DSCAM: variants seen among roughly 807,000 people sequenced by gnomAD.
DSCAM encodes the protein cell adhesion molecule DSCAM.
A neutral mutation model predicts 217.7 loss-of-function variants in DSCAM; 47 were observed. The ratio of observed to expected loss-of-function variants is 0.22; its 90% CI spans 0.17 to 0.28. DSCAM has a LOEUF of 0.28. Among genes scored for constraint, DSCAM ranks in the 10% least tolerant of loss-of-function variants. The pLI, the probability that DSCAM is intolerant of heterozygous loss-of-function variation, is 1.00. For synonymous variants in DSCAM, 1,056 were observed against 1,015.3 expected (o/e 1.04, Z -0.76); for missense variants, 2,080 against 2,618.3 (o/e 0.79, Z 4.49).
intron 15 of DSCAM, among the ~76,000 whole-genome samples, chr21:40,172,697 C>T (rs2090672433): frequency 6.6e-6 from 1 of 152,232 alleles, no homozygotes; most frequent in East Asian, 1.9e-4. Context: ...TCAATCACCC[C>T]AGTGAGAACC....
intron 21 of DSCAM, among the ~76,000 whole-genome samples, chr21:40,090,153 C>T (rs2089588112): frequency 6.6e-6 from 1 of 152,306 alleles, no homozygotes; most frequent in South Asian, 2.1e-4. Flanking sequence ...TCCTCTAAAC[C>T]TCAGTGCTGT....
At chr21:40,338,525 T>G in intron 7 of DSCAM, 149 bp from the exon 8 acceptor site, 2 of 856,526 alleles carry the variant, frequency 2.3e-6, no homozygotes, top group Non-Finnish European at 3.5e-6. Flanking sequence ...CATGTGGCAT[T>G]TTCTACAACA....
intron 11 of DSCAM, among the ~76,000 whole-genome samples, chr21:40,227,934 A>G (rs2146917105): frequency 6.6e-6 from 1 of 152,256 alleles, no homozygotes; most frequent in South Asian, 2.1e-4. Flanking sequence ...ATCCCATTCT[A>G]CATTCTGCCA....
chr21:40,035,848 A>C (rs1324275499), intron 32 of DSCAM, among the ~76,000 whole-genome samples: 1 of 145,952 alleles, frequency 6.9e-6, no homozygotes, highest in African/African-American at 2.7e-5. Flanking sequence ...ACTAGAACTC[A>C]GGATTAAGAA....
At chr21:40,469,961 T>A (rs2075874931) in intron 3 of DSCAM, among the ~76,000 whole-genome samples, 2 of 152,220 alleles carry the variant, frequency 1.3e-5, no homozygotes, top group South Asian at 4.1e-4. Context: ...TAATCCCATA[T>A]ATTTTCACTG....
At chr21:40,567,624 C>G (rs189564009) in intron 3 of DSCAM, among the ~76,000 whole-genome samples, 1 of 152,350 alleles carries the variant, frequency 6.6e-6, no homozygotes, top group Admixed American at 6.5e-5. Flanking sequence ...CTCATTCCCC[C>G]TACTTATCAC....
chr21:40,242,806 T>G (rs2073171179), intron 11 of DSCAM, among the ~76,000 whole-genome samples: 1 of 152,232 alleles, frequency 6.6e-6, no homozygotes, highest in Admixed American at 6.5e-5. Context: ...AACAACTCTT[T>G]GTTTAAGCAG....
At chr21:40,179,158 A>G in intron 14 of DSCAM, 64 bp from the exon 15 acceptor site, 1 of 1,147,094 alleles carries the variant, frequency 8.7e-7, no homozygotes, top group South Asian at 1.7e-5. Context: ...TCTGCCTTTG[A>G]AAGTTCACAA....
At chr21:40,561,269 GC>G (rs2076718495) in intron 3 of DSCAM, among the ~76,000 whole-genome samples, 1 of 152,146 alleles carries the variant, frequency 6.6e-6, no homozygotes, top group African/African-American at 2.4e-5. Flanking sequence ...GATTCAATGT[GC>G]CTGCACCCAG....
At chr21:40,525,009 C>CA (rs58427418) in intron 3 of DSCAM, among the ~76,000 whole-genome samples, 1,997 of 55,520 alleles carry the variant, frequency 0.036, 89 homozygotes, top group South Asian at 0.11. Flanking sequence ...GACTCAGTCT[C>CA]AAAAAAAAAA....
chr21:40,622,313 C>T (rs185897421), intron 3 of DSCAM, among the ~76,000 whole-genome samples: 20 of 152,172 alleles, frequency 1.3e-4, no homozygotes, highest in South Asian at 4.2e-4. Flanking sequence ...CAATGGGAAG[C>T]GCCACAATTT....
At chr21:40,142,495 G>A (rs900273419) in intron 18 of DSCAM, 63 bp downstream of exon 18, 24 of 1,592,118 alleles carry the variant, frequency 1.5e-5, no homozygotes, top group South Asian at 1.0e-4. Context: ...ACTAGGAGGG[G>A]TCTGCAAATT....
chr21:40,728,238 T>C (rs1202782910), intron 1 of DSCAM, among the ~76,000 whole-genome samples: 2 of 152,202 alleles, frequency 1.3e-5, no homozygotes, highest in South Asian at 2.1e-4. Flanking sequence ...GTAAATATTT[T>C]GGTTGATTTT....
chr21:40,026,568 C>T (rs1365047884), intron 32 of DSCAM, among the ~76,000 whole-genome samples: 2 of 145,596 alleles, frequency 1.4e-5, no homozygotes, highest in Non-Finnish European at 3.0e-5. Flanking sequence ...GTATTGGGTG[C>T]ATATATATTT....
At chr21:40,673,551 G>A (rs920838843) in intron 3 of DSCAM, among the ~76,000 whole-genome samples, 12 of 152,208 alleles carry the variant, frequency 7.9e-5, no homozygotes, top group African/African-American at 2.6e-4. Context: ...AACATGAGTG[G>A]TCTGGTGGTA....
intron 11 of DSCAM, among the ~76,000 whole-genome samples, chr21:40,202,178 G>A (rs2091076941): frequency 6.6e-6 from 1 of 152,160 alleles, no homozygotes; most frequent in Non-Finnish European, 1.5e-5. Flanking sequence ...ACCCTGTGTG[G>A]GAGCTGGGGG....
chr21:40,247,475 CA>C (rs1316048286), intron 11 of DSCAM, among the ~76,000 whole-genome samples: 1 of 152,168 alleles, frequency 6.6e-6, no homozygotes, highest in African/African-American at 2.4e-5. Flanking sequence ...TTAGCCAAAA[CA>C]AAGGGGCTAC....
intron 1 of DSCAM, among the ~76,000 whole-genome samples, chr21:40,807,430 C>T (rs991796383): frequency 2.6e-5 from 4 of 151,914 alleles, no homozygotes; most frequent in African/African-American, 9.7e-5. Flanking sequence ...ATTGCAGGTT[C>T]ATGGTCCTCC....
intron 11 of DSCAM, among the ~76,000 whole-genome samples, chr21:40,211,963 CTTT>C (rs538369747): frequency 7.6e-6 from 1 of 131,862 alleles, no homozygotes. Context: ...AATTCTGAAG[CTTT>C]TTTTTTTTTG....
Sources: gnomAD v4.1 joint callset for allele counts (sites outside exome capture counted in the v4.1 genomes callset) on GRCh38, gnomAD v4.1.1 for gene constraint, MANE v1.5 for transcripts, NCBI Gene and HGNC (gene_info 2026-07-23, HGNC 2026-07-21) for gene names.